KCNQ1: variants seen among roughly 807,000 people sequenced by gnomAD.
The protein encoded by KCNQ1 is potassium voltage-gated channel subfamily KQT member 1.
KCNQ1 carries 49 observed loss-of-function variants against 72.4 expected under a neutral mutation model. The observed-to-expected ratio is 0.68, with a 90% CI of 0.54 to 0.86. The LOEUF is 0.86. Ranked by LOEUF, KCNQ1 falls within the 40% of genes least tolerant of loss-of-function variation. The pLI, the probability that KCNQ1 is intolerant of heterozygous loss-of-function variation, is 0.00. For missense variants in KCNQ1, 790 were observed against 945.1 expected (o/e 0.84, Z 2.15); for synonymous variants, 450 against 412.6 (o/e 1.09, Z -1.10).
Position 2,769,040 on chromosome 11 carries a change from A to G in KCNQ1, c.1590+121A>G, listed in dbSNP as rs1378110833. The G allele has an allele frequency of 4.7e-6, 4 of 843,568 alleles. No homozygotes were observed. The highest frequency in any genetic ancestry group is 6.0e-6 in the Non-Finnish European group (3 of 502,054). The allele number at this position is 843,568 out of a possible 1,614,324, so 52.3% of individuals were successfully genotyped here. A position where few individuals can be genotyped will look rare whatever the true frequency, so the allele number is the denominator to read the frequency against. Reference sequence around the variant, plus strand: ...GAGGGTGTCAAGGCCTCCGCCCCCAAGCCACACAGGCAGGCCTATCTGAGA... The same window carrying G: ...GAGGGTGTCAAGGCCTCCGCCCCCAGGCCACACAGGCAGGCCTATCTGAGA... On this transcript the variant is annotated intron_variant, in intron 12 of 15. Coordinates refer to ENST00000155840, the MANE Select transcript of KCNQ1 (RefSeq NM_000218.3). The surrounding 1 kb of genome is among the most constrained non-coding windows in gnomAD (Gnocchi z 4.6).
In KCNQ1 at chr11:2,668,295, A is replaced by T. The variant is rs1850119534; in HGVS notation, c.1514+6214A>T. On this transcript the variant is annotated intron_variant, in intron 11 of 15. Coordinates refer to ENST00000155840, the MANE Select transcript of KCNQ1 (RefSeq NM_000218.3). The surrounding 1 kb of genome is among the most constrained non-coding windows in gnomAD (Gnocchi z 4.3). ...TCTGTACATGCTTTTGGTGAGCATC[A>T]GGTTGCGTTTCTGGGGAATATATGC... 3 of 398,506 alleles carry T rather than the reference A, an allele frequency of 7.5e-6. No individual in the cohort carries two copies. The highest frequency in any genetic ancestry group is 2.5e-4 in the South Asian group (2 of 7,860). 24.7% of individuals were successfully genotyped at this position (398,506 alleles called of 1,614,324 possible).
At chr11:2,630,866 G>C (rs1264234075) in intron 10 of KCNQ1, 1 of 398,336 alleles carries the variant, frequency 2.5e-6, no homozygotes, top group Non-Finnish European at 4.4e-6. Flanking sequence ...ATTCTTAGAT[G>C]GCAGTTTTTT....
intron 2 of KCNQ1, among the ~76,000 whole-genome samples, chr11:2,555,145 G>A (rs1364449858): frequency 3.9e-5 from 6 of 152,304 alleles, no homozygotes; most frequent in African/African-American, 1.2e-4. Flanking sequence ...TCAACCCTGC[G>A]GCCTTCTCAG....
intron 10 of KCNQ1, among the ~76,000 whole-genome samples, chr11:2,589,293 G>A (rs1000857060): frequency 2.0e-5 from 3 of 152,158 alleles, no homozygotes; most frequent in Non-Finnish European, 2.9e-5. Flanking sequence ...CGGGTAAAAC[G>A]TGGGGGGCCT....
chr11:2,533,658 C>T lies in KCNQ1; in HGVS notation c.477+5640C>T, dbSNP rs148067878. ...GTGTGTCTGACGTGTGTGTGCTTTG[C>T]GTGTTCTTGCCTGGGAAGGAGTTCC... On this transcript the variant is annotated intron_variant, in intron 2 of 15. Transcript: ENST00000155840. Among the ~76,000 whole-genome samples the T allele has an allele frequency of 1.7e-3, 260 of 152,320 alleles. 1 individual carries two copies. Among genetic ancestry groups the T allele is most frequent in the African/African-American group, 6.1e-3 (252 of 41,568 alleles).
Position 2,568,992 on chromosome 11 carries a change from C to T in KCNQ1, c.478-1636C>T, listed in dbSNP as rs186162748. Among the ~76,000 whole-genome samples, 669 of 152,304 alleles carry T rather than the reference C, an allele frequency of 4.4e-3. 1 individual carries two copies. The highest frequency in any genetic ancestry group is 0.015 in the African/African-American group (604 of 41,560). ...CTCTGCCTCTCGAGTTCAAGCGATT[C>T]TCCTGCCTCAGCCTCCTGAGTAGCT... On this transcript the variant is annotated intron_variant, in intron 2 of 15. Coordinates refer to ENST00000155840, the MANE Select transcript of KCNQ1 (RefSeq NM_000218.3).
chr11:2,546,130 T>C (rs1298545081), intron 2 of KCNQ1, among the ~76,000 whole-genome samples: 1 of 152,178 alleles, frequency 6.6e-6, no homozygotes, highest in Non-Finnish European at 1.5e-5. Flanking sequence ...CACTTGGTGG[T>C]ATAAACATCC....
intron 7 of KCNQ1, among the ~76,000 whole-genome samples, chr11:2,583,784 C>T (rs570557650): frequency 1.6e-4 from 25 of 152,350 alleles, no homozygotes; most frequent in Admixed American, 1.3e-3. Flanking sequence ...CCTGGAGTGG[C>T]TGTGCATGGG....
chr11:2,827,228 G>T lies in KCNQ1; in HGVS notation c.1795-20539G>T, dbSNP rs1012943740. On this transcript the variant is annotated intron_variant, in intron 15 of 15. Transcript: ENST00000155840. This position sits in a 1 kb window ranked among gnomAD's most constrained non-coding sequence, Gnocchi z 6.7. Reference sequence around the variant, plus strand: ...CAGCTGCTGCTGAGACAGTGACCCTGGGGACAGCCCAAATAAGAGAGAACT... The same window carrying T: ...CAGCTGCTGCTGAGACAGTGACCCTTGGGACAGCCCAAATAAGAGAGAACT... Among the ~76,000 whole-genome samples, 1 of 152,176 alleles carries T rather than the reference G, an allele frequency of 6.6e-6. No homozygotes were observed. Among genetic ancestry groups the T allele is most frequent in the Non-Finnish European group, 1.5e-5 (1 of 68,030 alleles).
chr11:2,733,857 C>CTCTCTCTCACTCTTTCTCTCT lies in KCNQ1; in HGVS notation c.1515-34987_1515-34986insTCTCTCTCACTCTTTCTCTCT, dbSNP rs147278439. On this transcript the variant is annotated intron_variant, in intron 11 of 15. Coordinates refer to ENST00000155840, the MANE Select transcript of KCNQ1 (RefSeq NM_000218.3). ...TCTCTCTCTCTCTCTCTCTCTCTCT[C>CTCTCTCTCACTCTTTCTCTCT]CCCCCCCACTTCAGGGCCTTCGCGC... is the stretch of plus-strand genomic sequence containing the variant. Among the ~76,000 whole-genome samples the CTCTCTCTCACTCTTTCTCTCT allele has an allele frequency of 1.7e-4, 13 of 76,370 alleles. 1 individual carries two copies. The highest frequency in any genetic ancestry group is 6.1e-4 in the African/African-American group (10 of 16,474). The allele number at this position is 76,370 out of a possible 152,430, so 50.1% of individuals were successfully genotyped here.
In KCNQ1 at chr11:2,493,980, G is replaced by A. The variant is rs1239108435; in HGVS notation, c.387-33948G>A. Among the ~76,000 whole-genome samples the A allele has an allele frequency of 6.7e-6, 1 of 149,816 alleles. No homozygotes were observed. Among genetic ancestry groups the A allele is most frequent in the Admixed American group, 6.7e-5 (1 of 14,858 alleles). ...TGATACTGATTATTCCTATCCATGAGCATGGAATTTTTTTTCCATTTGTTT... is the reference window on the plus strand; with the variant it reads ...TGATACTGATTATTCCTATCCATGAACATGGAATTTTTTTTCCATTTGTTT... On this transcript the variant is annotated intron_variant, in intron 1 of 15. Transcript: ENST00000155840. The surrounding 1 kb of genome is among the most constrained non-coding windows in gnomAD (Gnocchi z 5.3).
At chr11:2,556,210 A>C (rs888471952) in intron 2 of KCNQ1, among the ~76,000 whole-genome samples, 2 of 152,178 alleles carry the variant, frequency 1.3e-5, no homozygotes, top group Non-Finnish European at 2.9e-5. Flanking sequence ...TTTGATAAGA[A>C]CACCAGTTGT....
intron 15 of KCNQ1, among the ~76,000 whole-genome samples, 179 bp from the exon 16 acceptor site, chr11:2,847,587 AG>A (rs1258680911): frequency 1.3e-5 from 2 of 152,156 alleles, no homozygotes; most frequent in Admixed American, 1.3e-4. Flanking sequence ...GCACACACAC[AG>A]GCGCGACCGA....
intron 11 of KCNQ1, among the ~76,000 whole-genome samples, chr11:2,705,652 A>G (rs113815394): frequency 1.2e-4 from 18 of 152,212 alleles, no homozygotes; most frequent in African/African-American, 4.1e-4. Context: ...GCCAAGAACA[A>G]TCCCCTCAGC....
At position 2,528,531 on chromosome 11, in the gene KCNQ1, A is replaced by G. The variant is rs115095742; in HGVS notation, c.477+513A>G. ...GCTGAGAGCAGGGCAGGGCAGGCTC[A>G]TAGCCTGGTGGGAAACCCCAAAGTT... On this transcript the variant is annotated intron_variant, in intron 2 of 15. Coordinates refer to ENST00000155840, the MANE Select transcript of KCNQ1 (RefSeq NM_000218.3). 2.2e-3 allele frequency among the ~76,000 whole-genome samples: 330 copies of G among 152,336 alleles called. 1 individual carries two copies. Among genetic ancestry groups the G allele is most frequent in the African/African-American group, 7.5e-3 (311 of 41,578 alleles).
chr11:2,581,213 T>A (rs538064799), intron 6 of KCNQ1, among the ~76,000 whole-genome samples: 31 of 152,328 alleles, frequency 2.0e-4, no homozygotes, highest in African/African-American at 7.0e-4. Flanking sequence ...GGGCCACCTG[T>A]GTGTGCTTTC....
intron 6 of KCNQ1, among the ~76,000 whole-genome samples, chr11:2,575,159 T>TCCCCAGCC (rs1262759012): frequency 6.6e-6 from 1 of 151,920 alleles, no homozygotes; most frequent in African/African-American, 2.4e-5. Context: ...CGGACGCTAC[T>TCCCCAGCC]CCCCAGCCCC....
At chr11:2,837,643 C>T (rs1421746063) in intron 15 of KCNQ1, among the ~76,000 whole-genome samples, 2 of 152,146 alleles carry the variant, frequency 1.3e-5, no homozygotes, top group Non-Finnish European at 2.9e-5. Context: ...GGGGAAGTGG[C>T]CACAGCCAAA....
Position 2,720,561 on chromosome 11 carries a change from G to A in KCNQ1, c.1515-48283G>A, listed in dbSNP as rs932422273. ...AGCAGTGTGCCATTAACCCCTACCT[G>A]TCCAGAACTCTGAGCTCCTGTGGGT... On this transcript the variant is annotated intron_variant, in intron 11 of 15. Transcript: ENST00000155840. The surrounding 1 kb of genome is among the most constrained non-coding windows in gnomAD (Gnocchi z 5.1). Among the ~76,000 whole-genome samples, 4 of 152,160 alleles carry A rather than the reference G, an allele frequency of 2.6e-5. No individual in the cohort carries two copies. Among genetic ancestry groups the A allele is most frequent in the African/African-American group, 7.2e-5 (3 of 41,424 alleles).
Sources: gnomAD v4.1 joint callset for allele counts (sites outside exome capture counted in the v4.1 genomes callset) on GRCh38, gnomAD v4.1.1 for gene constraint, Gnocchi (gnomAD v3.1) non-coding constraint, MANE v1.5 for transcripts, NCBI Gene and HGNC (gene_info 2026-07-23, HGNC 2026-07-21) for gene names.